SOX6: variants seen among roughly 807,000 people sequenced by gnomAD.
SOX6 encodes the protein SRY-box transcription factor 6.
A neutral mutation model predicts 97.8 loss-of-function variants in SOX6; 11 were observed. The ratio of observed to expected loss-of-function variants is 0.11; its 90% CI spans 0.07 to 0.19. SOX6 has a LOEUF of 0.19. SOX6 is among the 10% of genes least tolerant of loss of function. The pLI is 1.00. For missense variants in SOX6, 810 were observed against 1,039.5 expected, an observed-to-expected ratio of 0.78 and a Z score of 3.04; for synonymous variants, 360 against 371.4, an observed-to-expected ratio of 0.97 and a Z score of 0.35.
chr11:16,289,984 C>A (rs1854863568), intron 3 of SOX6, among the ~76,000 whole-genome samples: 1 of 151,946 alleles, frequency 6.6e-6, no homozygotes, highest in Non-Finnish European at 1.5e-5. Flanking sequence ...AGTCTTTTAA[C>A]AAGCATAATA....
chr11:16,337,563 AT>A (rs1436007138), intron 2 of SOX6, among the ~76,000 whole-genome samples: 1 of 152,168 alleles, frequency 6.6e-6, no homozygotes, highest in African/African-American at 2.4e-5. Context: ...CAGTGTCAAC[AT>A]TCCTCTGCAA....
chr11:16,335,591 A>G (rs1856433986), intron 2 of SOX6, among the ~76,000 whole-genome samples: 1 of 152,228 alleles, frequency 6.6e-6, no homozygotes, highest in African/African-American at 2.4e-5. Context: ...ACTGGCAACA[A>G]TTCAAGTTTT....
At chr11:16,015,162 G>T in intron 12 of SOX6, 112 bp from the exon 13 acceptor site, 1 of 862,670 alleles carries the variant, frequency 1.2e-6, no homozygotes, top group Non-Finnish European at 1.9e-6. Flanking sequence ...TATCATTTCT[G>T]ACCAATGTGG....
intron 3 of SOX6, among the ~76,000 whole-genome samples, chr11:16,657,796 G>C (rs983841822): frequency 5.3e-5 from 8 of 152,114 alleles, no homozygotes; most frequent in African/African-American, 1.9e-4. Flanking sequence ...TGTCTATTCA[G>C]ATCTTTTGCC....
At chr11:16,465,928 A>C (rs1860021798) in intron 1 of SOX6, 1 of 152,234 alleles carries the variant, frequency 6.6e-6, no homozygotes, top group Non-Finnish European at 1.5e-5. Context: ...GGTAGAGACC[A>C]TCTCTTCTTC....
At chr11:16,282,661 T>C (rs1488138247) in intron 3 of SOX6, among the ~76,000 whole-genome samples, 2 of 151,558 alleles carry the variant, frequency 1.3e-5, no homozygotes, top group Non-Finnish European at 3.0e-5. Context: ...TTTGAAGATA[T>C]ATAATTCATT....
chr11:16,358,659 A>C (rs1297795406), upstream of SOX6, among the ~76,000 whole-genome samples: 2 of 152,114 alleles, frequency 1.3e-5, no homozygotes, highest in Non-Finnish European at 2.9e-5. Context: ...TTTTCTCAAT[A>C]AGCTTCCTTT....
At chr11:15,986,498 C>T in intron 14 of SOX6, 78 bp from the exon 15 acceptor site, 1 of 1,376,518 alleles carries the variant, frequency 7.3e-7, no homozygotes, top group East Asian at 2.3e-5. Context: ...ATATACCTTC[C>T]CATCACTTCA....
At chr11:16,696,162 T>G (rs950531200) in intron 3 of SOX6, among the ~76,000 whole-genome samples, 2 of 152,252 alleles carry the variant, frequency 1.3e-5, no homozygotes, top group Non-Finnish European at 2.9e-5. Flanking sequence ...AACAGAAATT[T>G]ATCTCAGTCT....
chr11:16,025,583 T>C (rs550993593), intron 12 of SOX6, among the ~76,000 whole-genome samples: 9 of 152,348 alleles, frequency 5.9e-5, no homozygotes, highest in Non-Finnish European at 1.0e-4. Flanking sequence ...TAATTTATAA[T>C]GTGTACTTTT....
chr11:16,255,375 A>G (rs540670203), intron 3 of SOX6, among the ~76,000 whole-genome samples: 1 of 152,196 alleles, frequency 6.6e-6, no homozygotes, highest in East Asian at 1.9e-4. Flanking sequence ...AAACACAACA[A>G]GTTGAAAACA....
chr11:16,466,721 G>T (rs1431766447), intron 1 of SOX6, among the ~76,000 whole-genome samples: 1 of 150,810 alleles, frequency 6.6e-6, no homozygotes, highest in South Asian at 2.1e-4. Context: ...ACGAGGTCAG[G>T]AGATCGAGAC....
At chr11:16,022,853 A>C (rs1404464143) in intron 12 of SOX6, among the ~76,000 whole-genome samples, 2 of 151,896 alleles carry the variant, frequency 1.3e-5, no homozygotes, top group African/African-American at 2.4e-5. Context: ...TAAGAACCAA[A>C]CTTCTCTGTA....
chr11:16,718,352 T>C (rs1022545515), intron 2 of SOX6, among the ~76,000 whole-genome samples: 1 of 152,146 alleles, frequency 6.6e-6, no homozygotes, highest in Non-Finnish European at 1.5e-5. Context: ...AATTAAAATA[T>C]TTTGCTTGAA....
At chr11:16,581,649 C>T (rs1431848407) in intron 4 of SOX6, among the ~76,000 whole-genome samples, 1 of 151,874 alleles carries the variant, frequency 6.6e-6, no homozygotes, top group Non-Finnish European at 1.5e-5. Context: ...CCATGAAATG[C>T]CATAATACTA....
intron 3 of SOX6, among the ~76,000 whole-genome samples, chr11:16,612,486 T>C (rs1167499906): frequency 6.6e-6 from 1 of 152,012 alleles, no homozygotes; most frequent in Non-Finnish European, 1.5e-5. Flanking sequence ...GTTTCATTTA[T>C]TTAATCTTTT....
At chr11:16,443,291 T>C (rs1859543217) in intron 1 of SOX6, among the ~76,000 whole-genome samples, 2 of 152,358 alleles carry the variant, frequency 1.3e-5, no homozygotes, top group South Asian at 4.1e-4. Flanking sequence ...ATTAGAGTTT[T>C]AAGTTAACTT....
upstream of SOX6, among the ~76,000 whole-genome samples, chr11:16,477,666 C>T (rs1012285748): frequency 1.3e-5 from 2 of 152,116 alleles, no homozygotes; most frequent in African/African-American, 2.4e-5. Context: ...GCCTAGGCAA[C>T]ATCTCTAAAA....
At chr11:16,362,289 C>T (rs1278740282) in intron 1 of SOX6, among the ~76,000 whole-genome samples, 1 of 152,062 alleles carries the variant, frequency 6.6e-6, no homozygotes, top group Non-Finnish European at 1.5e-5. Flanking sequence ...CACATTTCCC[C>T]CTTTGAAAGG....
Sources: allele counts gnomAD v4.1 joint callset (sites outside exome capture counted in the v4.1 genomes callset), GRCh38; gene constraint gnomAD v4.1.1; transcripts MANE v1.5; gene names NCBI Gene and HGNC (gene_info 2026-07-23, HGNC 2026-07-21).